Variants in MMP16 observed in about 807,000 individuals in gnomAD.
MMP16 encodes matrix metalloproteinase-16.
Under a neutral mutation model 67.8 loss-of-function variants are expected in MMP16, and 12 were observed. The observed-to-expected ratio is 0.18, with a 90% CI of 0.11 to 0.29. The LOEUF is 0.29. MMP16 is among the 10% of genes least tolerant of loss of function. The pLI, the probability that MMP16 is intolerant of heterozygous loss-of-function variation, is 1.00. For missense variants in MMP16, 475 were observed against 765.7 expected (o/e 0.62, Z 4.48); for synonymous variants, 249 against 255.9 (o/e 0.97, Z 0.26).
At chr8:88,141,879 A>T (rs1447882575) in intron 4 of MMP16, among the ~76,000 whole-genome samples, 1 of 151,974 alleles carries the variant, frequency 6.6e-6, no homozygotes, top group African/African-American at 2.4e-5. Context: ...TTCTAAAGAA[A>T]TAGCTAGAGT....
chr8:88,182,273 C>T (rs1007173343), intron 3 of MMP16, among the ~76,000 whole-genome samples: 1 of 151,980 alleles, frequency 6.6e-6, no homozygotes, highest in African/African-American at 2.4e-5. Flanking sequence ...CTAATATACA[C>T]AATATACAGA....
chr8:88,132,507 C>T (rs28907614), intron 4 of MMP16, among the ~76,000 whole-genome samples: 10,645 of 151,800 alleles, frequency 0.07, 400 homozygotes, highest in East Asian at 0.16. Flanking sequence ...CCAATTAGGA[C>T]GTGTTGGCAA....
intron 1 of MMP16, among the ~76,000 whole-genome samples, chr8:88,200,887 A>G (rs1421051857): frequency 6.6e-6 from 1 of 151,982 alleles, no homozygotes; most frequent in Non-Finnish European, 1.5e-5. Flanking sequence ...AAATCTAAGC[A>G]GTAATTTTTT....
At chr8:88,172,682 AAGAGT>A (rs1213884756) in intron 3 of MMP16, among the ~76,000 whole-genome samples, 1 of 152,152 alleles carries the variant, frequency 6.6e-6, no homozygotes, top group African/African-American at 2.4e-5. Flanking sequence ...TTTTTGTGAA[AAGAGT>A]AAAGTGAGTA....
In MMP16 at chr8:88,058,233, C is replaced by A. The variant is rs953278292; in HGVS notation, c.1223-1955G>T. 3.9e-5 allele frequency among the ~76,000 whole-genome samples: 6 copies of A among 151,982 alleles called. No homozygotes were observed. The highest frequency in any genetic ancestry group is 6.6e-5 in the Admixed American group (1 of 15,238). On this transcript the variant is annotated intron_variant, in intron 7 of 9. Transcript: ENST00000286614. This position sits in a 1 kb window ranked among gnomAD's most constrained non-coding sequence, Gnocchi z 4.2. ...ATCTTACTTAGAGTGTACTGGAGGC[C>A]ATCAAGGAGATTAAGTTTGTGTTGG...
chr8:88,056,314 T>C, intron 7 of MMP16, 36 bp from the exon 8 acceptor site: 1 of 1,185,922 alleles, frequency 8.4e-7, no homozygotes, highest in Non-Finnish European at 1.1e-6. Flanking sequence ...AATATATTAA[T>C]TTAATGTCAT....
At chr8:88,215,355 A>G (rs1012418021) in intron 1 of MMP16, among the ~76,000 whole-genome samples, 4 of 151,698 alleles carry the variant, frequency 2.6e-5, no homozygotes, top group African/African-American at 7.3e-5. Flanking sequence ...ATCTAAGAGC[A>G]TTTTTTAATG....
chr8:88,135,905 G>C (rs1228723922), intron 4 of MMP16, among the ~76,000 whole-genome samples: 1 of 151,802 alleles, frequency 6.6e-6, no homozygotes, highest in East Asian at 1.9e-4. Flanking sequence ...AACCGACTCA[G>C]TATTAATGCT....
At chr8:88,187,816 T>C (rs1255721015) in intron 2 of MMP16, among the ~76,000 whole-genome samples, 1 of 152,220 alleles carries the variant, frequency 6.6e-6, no homozygotes, top group Non-Finnish European at 1.5e-5. Context: ...CCCAGTAATG[T>C]AGACCATGCA....
At chr8:88,184,562 T>TG (rs1255351759) in intron 3 of MMP16, among the ~76,000 whole-genome samples, 25 of 4,234 alleles carry the variant, frequency 5.9e-3, no homozygotes, top group African/African-American at 0.021. Flanking sequence ...ACTCTCTCTC[T>TG]GAAAAAAAAA....
chr8:88,191,790 G>T (rs1809173282), intron 2 of MMP16, among the ~76,000 whole-genome samples: 1 of 152,168 alleles, frequency 6.6e-6, no homozygotes, highest in Non-Finnish European at 1.5e-5. Context: ...TGACTCTTAA[G>T]AGGTGCCCTT....
At chr8:88,309,648 C>T (rs1001070664) in intron 1 of MMP16, among the ~76,000 whole-genome samples, 7 of 151,954 alleles carry the variant, frequency 4.6e-5, no homozygotes, top group Non-Finnish European at 5.9e-5. Context: ...AAGTGAAAAA[C>T]GGACTGTTTA....
At chr8:88,168,422 T>C (rs917482670) in intron 3 of MMP16, among the ~76,000 whole-genome samples, 2 of 152,192 alleles carry the variant, frequency 1.3e-5, no homozygotes, top group African/African-American at 2.4e-5. Flanking sequence ...TAAATATGAA[T>C]TCAGCAGATA....
chr8:88,063,290 G>A lies in MMP16; in HGVS notation c.1223-7012C>T, dbSNP rs189603179. 1.2e-4 allele frequency among the ~76,000 whole-genome samples: 18 copies of A among 152,020 alleles called. 1 individual carries two copies. In the East Asian group the frequency reaches 2.5e-3, roughly 21 times the overall value. ...TCATCCGTCTATTCTCCTATTCAAT[G>A]TCTGTTTATTATGAGCCTATTATAG... On this transcript the variant is annotated intron_variant, in intron 7 of 9. Coordinates refer to ENST00000286614, the MANE Select transcript of MMP16 (RefSeq NM_005941.5).
intron 4 of MMP16, among the ~76,000 whole-genome samples, chr8:88,166,720 T>C (rs1464344113): frequency 7.4e-6 from 1 of 135,216 alleles, no homozygotes; most frequent in Admixed American, 7.5e-5. Flanking sequence ...TATATATATA[T>C]ATATATATAT....
At chr8:88,227,647 T>C (rs191897424) in intron 1 of MMP16, among the ~76,000 whole-genome samples, 57 of 152,122 alleles carry the variant, frequency 3.7e-4, no homozygotes, top group Middle Eastern at 3.4e-3. Context: ...CACTCTAGTA[T>C]CCTTTTCCAG....
intron 1 of MMP16, among the ~76,000 whole-genome samples, chr8:88,288,652 ATGT>A (rs1463929525): frequency 6.6e-6 from 1 of 152,198 alleles, no homozygotes; most frequent in African/African-American, 2.4e-5. Flanking sequence ...AAAGAAATTG[ATGT>A]TGGTGAGAAT....
chr8:88,090,434 C>A (rs946338083), intron 6 of MMP16, among the ~76,000 whole-genome samples: 3 of 151,770 alleles, frequency 2.0e-5, no homozygotes, highest in Admixed American at 2.0e-4. Context: ...CTATTTTGTA[C>A]TGAAACATTT....
intron 6 of MMP16, among the ~76,000 whole-genome samples, chr8:88,082,907 T>C (rs909722019): frequency 3.3e-5 from 5 of 152,022 alleles, no homozygotes; most frequent in Non-Finnish European, 7.4e-5. Flanking sequence ...ATTGGAAACA[T>C]ACCCACATGG....
Sources: allele counts gnomAD v4.1 joint callset (sites outside exome capture counted in the v4.1 genomes callset), GRCh38; gene constraint gnomAD v4.1.1; non-coding constraint Gnocchi (gnomAD v3.1); transcripts MANE v1.5; gene names NCBI Gene and HGNC (gene_info 2026-07-23, HGNC 2026-07-21).